The following ETV1 variants were observed in gnomAD, a reference collection of about 807,000 sequenced individuals.
ETV1 encodes ETS translocation variant 1.
ETV1 carries 27 observed loss-of-function variants against 62.3 expected under a neutral mutation model. The observed-to-expected ratio is 0.43, with a 90% CI of 0.32 to 0.60. ETV1 has a LOEUF of 0.60. Among genes scored for constraint, ETV1 ranks in the 20% least tolerant of loss-of-function variants. The probability of loss-of-function intolerance (pLI) is 0.06; values close to 1 mark genes in which losing one functional copy is unlikely to be tolerated. For synonymous variants in ETV1, 222 were observed against 199.6 expected (o/e 1.11, Z -0.94); for missense variants, 605 against 605.8 (o/e 1.00, Z 0.01).
chr7:13,910,361 C>T (rs541839221), intron 10 of ETV1, among the ~76,000 whole-genome samples: 47 of 150,892 alleles, frequency 3.1e-4, no homozygotes, highest in African/African-American at 1.1e-3. Flanking sequence ...TCTGTGATTA[C>T]CAGGAATAAA....
chr7:13,947,262 G>C (rs1788271596), intron 6 of ETV1, among the ~76,000 whole-genome samples: 1 of 151,974 alleles, frequency 6.6e-6, no homozygotes, highest in South Asian at 2.1e-4. Context: ...TTTTTACAGT[G>C]AAGATGATGG....
chr7:13,922,258 TGAGAA>T, intron 9 of ETV1, among the ~76,000 whole-genome samples: 1 of 152,178 alleles, frequency 6.6e-6, no homozygotes, highest in East Asian at 1.9e-4. Flanking sequence ...TTGTGGTTGC[TGAGAA>T]GAGAAGAAGG....
At chr7:13,910,228 C>CTTTTTTTTTTTT in intron 10 of ETV1, among the ~76,000 whole-genome samples, 1 of 120,222 alleles carries the variant, frequency 8.3e-6, no homozygotes. Context: ...AAAAGTTTCC[C>CTTTTTTTTTTTT]TTTTTTTTTT....
chr7:13,902,374 G>A (rs1782530333), intron 12 of ETV1, among the ~76,000 whole-genome samples: 1 of 151,976 alleles, frequency 6.6e-6, no homozygotes, highest in East Asian at 1.9e-4. Flanking sequence ...GCATCAGTAT[G>A]TTTTTTAAGA....
At chr7:13,954,116 G>C (rs980816470) in intron 6 of ETV1, among the ~76,000 whole-genome samples, 4 of 151,958 alleles carry the variant, frequency 2.6e-5, no homozygotes, top group African/African-American at 9.7e-5. Flanking sequence ...CTACTAAAAA[G>C]GCATTTCTAA....
chr7:13,913,520 G>A (rs1010828712), intron 9 of ETV1, among the ~76,000 whole-genome samples: 1 of 152,156 alleles, frequency 6.6e-6, no homozygotes, highest in Non-Finnish European at 1.5e-5. Context: ...CGTGGAGTAA[G>A]TTATGTGCAA....
At chr7:13,928,936 C>T (rs891924792) in intron 9 of ETV1, among the ~76,000 whole-genome samples, 6 of 152,168 alleles carry the variant, frequency 3.9e-5, no homozygotes, top group East Asian at 3.9e-4. Context: ...CAAGCCTGGG[C>T]GACAGAGCGA....
At chr7:13,957,609 T>C (rs967927210) in intron 6 of ETV1, among the ~76,000 whole-genome samples, 1 of 152,206 alleles carries the variant, frequency 6.6e-6, no homozygotes, top group African/African-American at 2.4e-5. Flanking sequence ...ATTTCTGTCT[T>C]ATTTTATTTT....
intron 9 of ETV1, among the ~76,000 whole-genome samples, chr7:13,922,727 T>C (rs1226883634): frequency 6.6e-6 from 1 of 152,230 alleles, no homozygotes; most frequent in Non-Finnish European, 1.5e-5. Context: ...AAATATCAGT[T>C]ACCTTTATTT....
At chr7:13,927,575 G>C (rs1043833514) in intron 9 of ETV1, among the ~76,000 whole-genome samples, 1 of 151,496 alleles carries the variant, frequency 6.6e-6, no homozygotes, top group African/African-American at 2.4e-5. Flanking sequence ...CACTGATTCA[G>C]TGATAAATGC....
At chr7:13,963,160 GC>G (rs1205073721) in intron 6 of ETV1, among the ~76,000 whole-genome samples, 1 of 152,052 alleles carries the variant, frequency 6.6e-6, no homozygotes, top group African/African-American at 2.4e-5. Flanking sequence ...TGTGAAAATG[GC>G]CTATGAAATC....
At chr7:13,984,234 TA>T (rs1239284682) in intron 5 of ETV1, among the ~76,000 whole-genome samples, 1 of 151,982 alleles carries the variant, frequency 6.6e-6, no homozygotes, top group Non-Finnish European at 1.5e-5. Flanking sequence ...CAAGATGTCT[TA>T]AAATTCCATG....
At chr7:13,990,634 T>A (rs1583928364), upstream of ETV1, 2 of 152,112 alleles carry the variant, frequency 1.3e-5, no homozygotes, top group Admixed American at 6.6e-5. Flanking sequence ...ATGGCTCGGG[T>A]TTCAAGGACA....
Position 13,931,608 on chromosome 7 carries a change from G to T in ETV1, c.696C>A (p.His232Gln), listed in dbSNP as rs577222571. 6.2e-7 allele frequency: 1 copy of T among 1,614,060 alleles called. No individual in the cohort carries two copies. The highest frequency in any genetic ancestry group is 8.5e-7 in the Non-Finnish European group (1 of 1,179,902). The change falls in exon 9 of 14, where the codon CAC becomes CAA. Residue 232 changes from histidine to glutamine, a missense_variant. His to Gln is a conservative substitution (Grantham distance 24). This residue lies in a region of ETV1 where 426 missense variants were observed against 377.8 expected (regional missense o/e 1.13). Transcript: ENST00000430479. ...TGGTGTTGTGTTCATACACTGGGTCGTGGTACTCCTGCTTAAAGCCTTGTG... is the reference window on the plus strand; with the variant it reads ...TGGTGTTGTGTTCATACACTGGGTCTTGGTACTCCTGCTTAAAGCCTTGTG... The part of the protein sequence containing the change: ...FPPQGFKQEY[H>Q]DPVYEHNTMV...
intron 6 of ETV1, among the ~76,000 whole-genome samples, chr7:13,956,015 G>A (rs1317491929): frequency 6.6e-6 from 1 of 152,068 alleles, no homozygotes; most frequent in Non-Finnish European, 1.5e-5. Context: ...TAGATATGCA[G>A]CTTGTTAAAT....
chr7:13,970,538 T>C (rs1364701327), intron 6 of ETV1, among the ~76,000 whole-genome samples: 6 of 152,164 alleles, frequency 3.9e-5, no homozygotes, highest in African/African-American at 1.4e-4. Context: ...AAAAAACTCA[T>C]GTTCTTAAAT....
chr7:13,964,693 G>A (rs1790577831), intron 6 of ETV1, among the ~76,000 whole-genome samples: 1 of 151,870 alleles, frequency 6.6e-6, no homozygotes, highest in African/African-American at 2.4e-5. Flanking sequence ...TAACAAAATG[G>A]GTGAGAAAAG....
At chr7:13,927,893 T>A (rs1785615690) in intron 9 of ETV1, among the ~76,000 whole-genome samples, 1 of 152,104 alleles carries the variant, frequency 6.6e-6, no homozygotes, top group South Asian at 2.1e-4. Flanking sequence ...AAATTAGAAC[T>A]CAAAGGTGGT....
At chr7:13,985,019 C>T (rs1038889882) in intron 5 of ETV1, among the ~76,000 whole-genome samples, 9 of 151,838 alleles carry the variant, frequency 5.9e-5, no homozygotes, top group African/African-American at 1.9e-4. Flanking sequence ...TTGCTATGCA[C>T]ATTCAAAATC....
Sources: allele counts gnomAD v4.1 joint callset (sites outside exome capture counted in the v4.1 genomes callset), GRCh38; gene constraint gnomAD v4.1.1; regional missense constraint gnomAD v4.1.1; transcripts MANE v1.5; gene names NCBI Gene and HGNC (gene_info 2026-07-23, HGNC 2026-07-21).